Variants in C3orf49 observed in about 807,000 individuals in gnomAD.
C3orf49 encodes putative uncharacterized protein C3orf49.
In C3orf49, 27 loss-of-function variants were observed where a neutral mutation model predicts 13.3. The ratio of observed to expected loss-of-function variants is 2.02; its 90% CI spans 1.49 to 2.79. C3orf49 has a LOEUF of 2.79. C3orf49 is among the 30% of genes most tolerant of loss of function. The pLI is 0.00. For missense variants in C3orf49, 242 were observed against 134.2 expected (o/e 1.80, Z -3.97); for synonymous variants, 87 against 47.6 (o/e 1.83, Z -3.40).
the C3orf49 span, among the ~76,000 whole-genome samples, chr3:63,811,441 C>T: frequency 1.3e-5 from 2 of 151,898 alleles, no homozygotes; most frequent in Non-Finnish European, 2.9e-5. Context: ...GCCTGTAATC[C>T]CAGCTACTCC....
At chr3:63,817,670 C>A (rs554704232), upstream of C3orf49, among the ~76,000 whole-genome samples, 11 of 152,058 alleles carry the variant, frequency 7.2e-5, no homozygotes, top group Non-Finnish European at 1.3e-4. Context: ...TTCCCCACCC[C>A]CTTCCCACTC....
chr3:63,814,501 T>C (rs1701302122), upstream of C3orf49, among the ~76,000 whole-genome samples: 1 of 152,104 alleles, frequency 6.6e-6, no homozygotes, highest in Non-Finnish European at 1.5e-5. Context: ...GTTACCTGAA[T>C]AGGATTATGC....
chr3:63,831,197 T>C lies in C3orf49; in HGVS notation c.658T>C (p.Leu220=), dbSNP rs1256560128. The change falls in exon 4 of 7, where the codon TTG becomes CTG. Residue 220 remains leucine (L), a synonymous_variant. Coordinates refer to ENST00000295896, the MANE Select transcript of C3orf49 (RefSeq NM_001355236.2). ...GMENILRKSD[L]TVGKLQMQVD... ...GGAAAACATCCTTCGAAAATCAGAT[T>C]TGACAGTAGGAAAGCTTCAAATGCA... 1.4e-6 allele frequency: 1 copy of C among 702,812 alleles called. No homozygotes were observed. Among genetic ancestry groups the C allele is most frequent in the Admixed American group, 2.0e-5 (1 of 49,968 alleles). 43.5% of individuals were successfully genotyped at this position (702,812 alleles called of 1,614,324 possible). A position where few individuals can be genotyped will look rare whatever the true frequency, so the allele number is the denominator to read the frequency against.
At chr3:63,792,149 C>T in the C3orf49 span, among the ~76,000 whole-genome samples, 2 of 152,300 alleles carry the variant, frequency 1.3e-5, no homozygotes, top group African/African-American at 2.4e-5. Context: ...GGCATGACTA[C>T]CAGCTACAGT....
At chr3:63,841,972 G>C (rs928110977) in intron 5 of C3orf49, among the ~76,000 whole-genome samples, 1 of 152,142 alleles carries the variant, frequency 6.6e-6, no homozygotes, top group African/African-American at 2.4e-5. Flanking sequence ...CTGTATTGAG[G>C]ACTGGGGATT....
At chr3:63,817,454 C>T (rs553457098), upstream of C3orf49, among the ~76,000 whole-genome samples, 1 of 152,182 alleles carries the variant, frequency 6.6e-6, no homozygotes, top group South Asian at 2.1e-4. Flanking sequence ...CTGGGAACCA[C>T]TAGGCATTCA....
At chr3:63,830,234 G>A (rs943746380) in intron 3 of C3orf49, among the ~76,000 whole-genome samples, 2 of 152,172 alleles carry the variant, frequency 1.3e-5, no homozygotes, top group African/African-American at 4.8e-5. Flanking sequence ...CAGACATAAT[G>A]TAGTGACTGC....
chr3:63,785,227 A>G, the C3orf49 span, among the ~76,000 whole-genome samples: 4 of 151,264 alleles, frequency 2.6e-5, no homozygotes, highest in African/African-American at 9.7e-5. Context: ...GCCCGCCACC[A>G]TGCCCGGCCA....
Position 63,819,383 on chromosome 3 carries a change from A to C in C3orf49, c.-89A>C. 1 of 661,252 alleles carries C rather than the reference A, an allele frequency of 1.5e-6. No homozygotes were observed. The highest frequency in any genetic ancestry group is 2.4e-4 in the Middle Eastern group (1 of 4,126). 41.0% of individuals were successfully genotyped at this position (661,252 alleles called of 1,614,324 possible). On this transcript the variant is annotated 5_prime_UTR_variant, in exon 1 of 7. Transcript: ENST00000295896. ...CGAATAGCCCACACCTTGACAGTAC[A>C]TTCAGTCACTGGATGATTTTGTATT... is the stretch of plus-strand genomic sequence containing the variant.
chr3:63,847,813 G>T (rs1701931930), intron 6 of C3orf49, among the ~76,000 whole-genome samples: 1 of 152,150 alleles, frequency 6.6e-6, no homozygotes, highest in South Asian at 2.1e-4. Flanking sequence ...AAAGTTTAAT[G>T]AAGAAACTGT....
Position 63,835,425 on chromosome 3 carries a change from A to G in C3orf49, c.849+3581A>G, listed in dbSNP as rs370484066. ...ATAAAACAGTGTTACATTTTGCTGA[A>G]TGGGGGAGAAGAGTTTACAATTAAT... On this transcript the variant is annotated intron_variant, in intron 5 of 6. Transcript: ENST00000295896. 3 of 1,597,772 alleles carry G rather than the reference A, an allele frequency of 1.9e-6. No individual in the cohort carries two copies. In the African/African-American group the frequency reaches 4.0e-5, roughly 21 times the overall value.
At chr3:63,842,784 G>A (rs532140135) in intron 5 of C3orf49, among the ~76,000 whole-genome samples, 28 of 152,114 alleles carry the variant, frequency 1.8e-4, no homozygotes, top group African/African-American at 4.1e-4. Flanking sequence ...TACACTACCC[G>A]GGTGACAGGT....
upstream of C3orf49, among the ~76,000 whole-genome samples, chr3:63,815,531 C>T (rs1701314078): frequency 6.6e-6 from 1 of 152,170 alleles, no homozygotes; most frequent in Non-Finnish European, 1.5e-5. Context: ...TTCTTCCTGC[C>T]CTCAGACATG....
At chr3:63,827,343 AAG>A (rs1460052086) in intron 2 of C3orf49, 130 of 302,616 alleles carry the variant, frequency 4.3e-4, no homozygotes, top group Middle Eastern at 2.0e-3. Flanking sequence ...TTAAATCTCG[AAG>A]AGAGAGAGAG....
At chr3:63,786,302 T>G in the C3orf49 span, among the ~76,000 whole-genome samples, 1 of 152,206 alleles carries the variant, frequency 6.6e-6, no homozygotes, top group African/African-American at 2.4e-5. Flanking sequence ...AAGTTTCAAT[T>G]CTTTCAAGTT....
intron 1 of C3orf49, among the ~76,000 whole-genome samples, chr3:63,822,359 T>C (rs1701409019): frequency 6.6e-6 from 1 of 152,216 alleles, no homozygotes; most frequent in Non-Finnish European, 1.5e-5. Context: ...CGAAATTTCA[T>C]GGATATTATT....
intron 5 of C3orf49, among the ~76,000 whole-genome samples, chr3:63,842,639 G>A (rs1375454548): frequency 6.6e-6 from 1 of 152,150 alleles, no homozygotes; most frequent in Non-Finnish European, 1.5e-5. Flanking sequence ...ATAAGTGGGA[G>A]CTAAGCTATG....
At chr3:63,820,438 T>C (rs924323310) in intron 1 of C3orf49, among the ~76,000 whole-genome samples, 6 of 152,188 alleles carry the variant, frequency 3.9e-5, no homozygotes, top group Admixed American at 2.0e-4. Flanking sequence ...AGCAGTGTGT[T>C]CCTAGGCTCT....
Position 63,834,249 on chromosome 3 carries a change from T to G in C3orf49, c.849+2405T>G, listed in dbSNP as rs201719917. The G allele has an allele frequency of 6.1e-5, 95 of 1,567,790 alleles. No individual in the cohort carries two copies. In the African/African-American group the frequency reaches 1.2e-3, roughly 20 times the overall value. ...ACCTTAGTCAAGTTTGCCTATATTT[T>G]ATATTCGATGAACACATGAAAACAT... On this transcript the variant is annotated intron_variant, in intron 5 of 6. Transcript: ENST00000295896.
Sources: gnomAD v4.1 joint callset for allele counts (sites outside exome capture counted in the v4.1 genomes callset) on GRCh38, gnomAD v4.1.1 for gene constraint, MANE v1.5 for transcripts, NCBI Gene and HGNC (gene_info 2026-07-23, HGNC 2026-07-21) for gene names.